Variants in PTCSC3 observed in about 807,000 individuals in gnomAD.
The protein encoded by PTCSC3 is papillary thyroid carcinoma susceptibility candidate 3.
chr14:36,166,311 C>T (rs563064805), intron 1 of PTCSC3, among the ~76,000 whole-genome samples: 13 of 152,134 alleles, frequency 8.5e-5, no homozygotes, highest in East Asian at 3.9e-4. Flanking sequence ...AACGTAAGGA[C>T]GAAACATATT....
intron 1 of PTCSC3, among the ~76,000 whole-genome samples, chr14:36,176,067 A>T (rs1882275194): frequency 6.6e-6 from 1 of 152,206 alleles, no homozygotes. Context: ...TCAGTTAAGA[A>T]AACGATACAA....
rs567965006 is a variant in PTCSC3, at chr14:36,152,409, T to C, written n.322+1395A>G. Among the ~76,000 whole-genome samples the C allele has an allele frequency of 9.2e-4, 140 of 152,098 alleles. 1 individual carries two copies. The highest frequency in any genetic ancestry group is 6.8e-3 in the Middle Eastern group (2 of 294). On this transcript the variant is annotated intron_variant and non_coding_transcript_variant, in intron 3 of 3. Coordinates refer to ENST00000556013, the Ensembl canonical transcript of PTCSC3. ...ATTTGAGTCTACAGTGTGCTACAAT[T>C]GCACTTGTGAATAGCCACTGCACTC...
At chr14:36,155,276 A>T (rs1881804174) in intron 2 of PTCSC3, among the ~76,000 whole-genome samples, 1 of 152,188 alleles carries the variant, frequency 6.6e-6, no homozygotes, top group South Asian at 2.1e-4. Context: ...AGGGAAAAGA[A>T]ATTGAGATAG....
At chr14:36,139,191 T>A (rs547107779) in intron 3 of PTCSC3, among the ~76,000 whole-genome samples, 10 of 151,264 alleles carry the variant, frequency 6.6e-5, no homozygotes, top group Admixed American at 5.3e-4. Flanking sequence ...ACATAGAATC[T>A]TTATTAATAA....
At chr14:36,171,739 CAGA>C (rs545806095) in intron 1 of PTCSC3, among the ~76,000 whole-genome samples, 39 of 152,232 alleles carry the variant, frequency 2.6e-4, no homozygotes, top group African/African-American at 8.2e-4. Flanking sequence ...CTTGTAAAAG[CAGA>C]AGGTCTGTTT....
intron 3 of PTCSC3, among the ~76,000 whole-genome samples, chr14:36,142,041 C>A (rs2139088817): frequency 6.6e-6 from 1 of 152,228 alleles, no homozygotes; most frequent in Admixed American, 6.5e-5. Context: ...ACTGCATTGG[C>A]TAGGATTTCA....
At chr14:36,161,234 C>T (rs886343863) in intron 2 of PTCSC3, among the ~76,000 whole-genome samples, 2 of 152,156 alleles carry the variant, frequency 1.3e-5, no homozygotes, top group African/African-American at 2.4e-5. Flanking sequence ...ATTTGTCAAG[C>T]TCATTCTCTG....
chr14:36,151,169 G>A (rs10139840), intron 3 of PTCSC3, among the ~76,000 whole-genome samples: 13,245 of 152,012 alleles, frequency 0.087, 684 homozygotes, highest in Middle Eastern at 0.18. Context: ...CTCGGTTGGT[G>A]GTCTTTTTCT....
In PTCSC3 at chr14:36,150,891, GAACA is replaced by G. The variant is rs919689028; in HGVS notation, n.322+2909_322+2912del. ...CTATATATGTTGTTGATATTATTTT[GAACA>G]AACAATTATATATTACATAAGATAT... On this transcript the variant is annotated intron_variant and non_coding_transcript_variant, in intron 3 of 3. Coordinates refer to ENST00000556013, the Ensembl canonical transcript of PTCSC3. Among the ~76,000 whole-genome samples, 15 of 151,896 alleles carry G rather than the reference GAACA, an allele frequency of 9.9e-5. 1 individual carries two copies. The highest frequency in any genetic ancestry group is 1.7e-4 in the African/African-American group (7 of 41,464).
chr14:36,156,466 CT>C (rs1478289317), intron 2 of PTCSC3, among the ~76,000 whole-genome samples: 1 of 152,034 alleles, frequency 6.6e-6, no homozygotes, highest in Admixed American at 6.6e-5. Context: ...AAATTATACT[CT>C]AAGTTCTGGG....
At chr14:36,158,270 G>T (rs151287189) in intron 2 of PTCSC3, among the ~76,000 whole-genome samples, 14 of 152,198 alleles carry the variant, frequency 9.2e-5, no homozygotes, top group African/African-American at 2.6e-4. Context: ...GATTGCCCTG[G>T]CCAGAAGTTC....
intron 1 of PTCSC3, among the ~76,000 whole-genome samples, chr14:36,175,612 A>G (rs1408271813): frequency 6.6e-6 from 1 of 152,208 alleles, no homozygotes; most frequent in Non-Finnish European, 1.5e-5. Context: ...AGAAGCATGT[A>G]GTTTTATAAA....
intron 3 of PTCSC3, among the ~76,000 whole-genome samples, chr14:36,139,715 CTG>C (rs1881375254): frequency 6.6e-6 from 1 of 152,144 alleles, no homozygotes; most frequent in Admixed American, 6.5e-5. Context: ...TATAGAAAAA[CTG>C]AATGGATTAT....
At chr14:36,164,814 T>C (rs977180348) in intron 1 of PTCSC3, among the ~76,000 whole-genome samples, 3 of 152,188 alleles carry the variant, frequency 2.0e-5, no homozygotes, top group African/African-American at 7.2e-5. Context: ...TGTAGAACAT[T>C]AACAGAAAAT....
chr14:36,169,411 C>T (rs1241301023), intron 1 of PTCSC3, among the ~76,000 whole-genome samples: 2 of 152,068 alleles, frequency 1.3e-5, no homozygotes, highest in Admixed American at 6.6e-5. Context: ...TGTGTAAGTA[C>T]ACAAATACCT....
chr14:36,146,445 T>C (rs1166435748), intron 3 of PTCSC3, among the ~76,000 whole-genome samples: 3 of 151,456 alleles, frequency 2.0e-5, no homozygotes, highest in Admixed American at 6.6e-5. Context: ...TTGATCTTTG[T>C]TGGTTTAAAG....
At chr14:36,153,038 A>G (rs536166377) in intron 3 of PTCSC3, among the ~76,000 whole-genome samples, 1 of 152,316 alleles carries the variant, frequency 6.6e-6, no homozygotes, top group Non-Finnish European at 1.5e-5. Flanking sequence ...CAAACAACAC[A>G]CATTTACTTC....
intron 3 of PTCSC3, among the ~76,000 whole-genome samples, chr14:36,143,654 T>C (rs1258188978): frequency 1.3e-5 from 2 of 149,566 alleles, no homozygotes; most frequent in Non-Finnish European, 3.0e-5. Flanking sequence ...CAGAAGCTCT[T>C]TAGTTTAATT....
intron 1 of PTCSC3, among the ~76,000 whole-genome samples, chr14:36,164,924 A>C (rs1882054778): frequency 6.6e-6 from 1 of 152,200 alleles, no homozygotes; most frequent in Non-Finnish European, 1.5e-5. Context: ...ACTTAATGTC[A>C]AGTTAATGTC....
Sources: allele counts gnomAD v4.1 joint callset (sites outside exome capture counted in the v4.1 genomes callset), GRCh38; gene constraint gnomAD v4.1.1; transcripts MANE v1.5; gene names NCBI Gene and HGNC (gene_info 2026-07-23, HGNC 2026-07-21).